Variants in POU2F2 observed in about 807,000 individuals in gnomAD.
The protein encoded by POU2F2 is POU domain, class 2, transcription factor 2.
In POU2F2, 14 loss-of-function variants were observed where a neutral mutation model predicts 63.5. The observed-to-expected ratio is 0.22, with a 90% CI of 0.15 to 0.34. The LOEUF is 0.34. Among genes scored for constraint, POU2F2 ranks in the 10% least tolerant of loss-of-function variants. The pLI, the probability that POU2F2 is intolerant of heterozygous loss-of-function variation, is 1.00. For synonymous variants in POU2F2, 306 were observed against 348.6 expected, an observed-to-expected ratio of 0.88 and a Z score of 1.36; for missense variants, 607 against 815.2, an observed-to-expected ratio of 0.74 and a Z score of 3.11.
At chr19:42,102,591 C>CA (rs879480456) in intron 5 of POU2F2, among the ~76,000 whole-genome samples, 205 of 103,618 alleles carry the variant, frequency 2.0e-3, no homozygotes, top group East Asian at 7.3e-3. Flanking sequence ...ACCCCCATCT[C>CA]AAAAAAAAAA....
chr19:42,118,880 G>A (rs2032244771), intron 4 of POU2F2, among the ~76,000 whole-genome samples: 2 of 152,202 alleles, frequency 1.3e-5, no homozygotes, highest in Admixed American at 1.3e-4. Context: ...ACAGTGTGTT[G>A]GCAGGGGGGT....
chr19:42,183,100 C>T (rs1428260676), intron 1 of POU2F2, among the ~76,000 whole-genome samples: 1 of 152,130 alleles, frequency 6.6e-6, no homozygotes, highest in Non-Finnish European at 1.5e-5. Flanking sequence ...AGAAGCTCTC[C>T]CAGGCTGACT....
At position 42,162,716 on chromosome 19, in the gene POU2F2, G is replaced by A. The variant is rs1296769687; in HGVS notation, c.-69-2324C>T. The stretch of plus-strand genomic sequence containing the variant: ...ACATGGCAGACTGTGAGCTCCTTGA[G>A]GGCAAGGCAGGGCCTGGCTCCTTTG... On this transcript the variant is annotated intron_variant, in intron 1 of 6. Transcript: ENST00000524801. This position sits in a 1 kb window ranked among gnomAD's most constrained non-coding sequence, Gnocchi z 4.1. Among the ~76,000 whole-genome samples the A allele has an allele frequency of 6.6e-6, 1 of 152,182 alleles. No homozygotes were observed. Among genetic ancestry groups the A allele is most frequent in the African/African-American group, 2.4e-5 (1 of 41,446 alleles).
chr19:42,193,309 C>A (rs921859956), intron 1 of POU2F2, among the ~76,000 whole-genome samples: 23 of 151,606 alleles, frequency 1.5e-4, no homozygotes, highest in Admixed American at 5.2e-4. Flanking sequence ...CCTTAAATGG[C>A]AAAAAGGACT....
At chr19:42,100,024 G>T (rs2077070483) in intron 5 of POU2F2, among the ~76,000 whole-genome samples, 1 of 150,868 alleles carries the variant, frequency 6.6e-6, no homozygotes, top group African/African-American at 2.4e-5. Flanking sequence ...CTACCATGGG[G>T]TACCAGAGAG....
upstream of POU2F2, chr19:42,177,083 G>C (rs1568425456): frequency 6.7e-6 from 1 of 149,756 alleles, no homozygotes; most frequent in Non-Finnish European, 1.5e-5. Context: ...CGGGCGCGCA[G>C]GCGAGCTGGG....
In POU2F2 at chr19:42,181,194, C is replaced by T. The variant is rs113032668; in HGVS notation, c.-70+15189G>A. On this transcript the variant is annotated intron_variant, in intron 1 of 5. Transcript: ENST00000532176. Reference sequence around the variant, plus strand: ...AACTGATTTCTAGGGCTCCGCCCAGCCCCGAGTCATGATTCCACGAAGGCT... The same window carrying T: ...AACTGATTTCTAGGGCTCCGCCCAGTCCCGAGTCATGATTCCACGAAGGCT... Among the ~76,000 whole-genome samples, 384 of 152,362 alleles carry T rather than the reference C, an allele frequency of 2.5e-3. 6 individuals carry two copies. Among genetic ancestry groups the T allele is most frequent in the African/African-American group, 8.7e-3 (362 of 41,568 alleles).
In POU2F2 at chr19:42,152,224, G is replaced by C. The variant is rs1373139083; in HGVS notation, c.-9+8108C>G. 6.6e-6 allele frequency among the ~76,000 whole-genome samples: 1 copy of C among 152,142 alleles called. No individual in the cohort carries two copies. The highest frequency in any genetic ancestry group is 1.5e-5 in the Non-Finnish European group (1 of 68,006). On this transcript the variant is annotated intron_variant, in intron 2 of 6. Coordinates refer to the POU2F2 transcript ENST00000524801. The surrounding 1 kb of genome is among the most constrained non-coding windows in gnomAD (Gnocchi z 4.1). Reference sequence around the variant, plus strand: ...GCCTCCAAAGAGACAGAAGGAAACAGGCAGATCTTCTGTGCTTAAATTCTC... The same window carrying C: ...GCCTCCAAAGAGACAGAAGGAAACACGCAGATCTTCTGTGCTTAAATTCTC...
At chr19:42,190,269 A>G (rs1250575530) in intron 1 of POU2F2, among the ~76,000 whole-genome samples, 1 of 150,032 alleles carries the variant, frequency 6.7e-6, no homozygotes, top group African/African-American at 2.5e-5. Flanking sequence ...ATTTGTTTAA[A>G]AAAATCTTTA....
rs1241282719 is a variant in POU2F2, at chr19:42,153,839, AG to A, written c.-9+6492del. Among the ~76,000 whole-genome samples, 2 of 152,080 alleles carry A rather than the reference AG, an allele frequency of 1.3e-5. No individual in the cohort carries two copies. The highest frequency in any genetic ancestry group is 4.8e-5 in the African/African-American group (2 of 41,392). ...GAGTGGGGGAGGGTGGCGAGGCAGC[AG>A]GGGCTGCCACGGAGACACTGGCTAG... On this transcript the variant is annotated intron_variant, in intron 2 of 6. Coordinates refer to the POU2F2 transcript ENST00000524801. The surrounding 1 kb of genome is among the most constrained non-coding windows in gnomAD (Gnocchi z 5.6).
intron 1 of POU2F2, among the ~76,000 whole-genome samples, chr19:42,191,929 C>A (rs1599735443): frequency 6.6e-6 from 1 of 152,180 alleles, no homozygotes; most frequent in South Asian, 2.1e-4. Context: ...GAGTGTATAT[C>A]CTCATCTGTA....
chr19:42,165,598 G>A (rs759651434), intron 1 of POU2F2, among the ~76,000 whole-genome samples: 7 of 152,192 alleles, frequency 4.6e-5, no homozygotes, highest in African/African-American at 7.2e-5. Flanking sequence ...AGAGCACAGT[G>A]GGTAAACATG....
intron 2 of POU2F2, among the ~76,000 whole-genome samples, chr19:42,140,448 C>T (rs760401686): frequency 6.6e-6 from 1 of 152,196 alleles, no homozygotes; most frequent in Admixed American, 6.5e-5. Context: ...CCCTACAGGA[C>T]CTCCCCGCTG....
intron 1 of POU2F2, among the ~76,000 whole-genome samples, chr19:42,195,874 G>T (rs1318127756): frequency 6.7e-6 from 1 of 150,338 alleles, no homozygotes; most frequent in Non-Finnish European, 1.5e-5. Context: ...CCACCTCCCA[G>T]GTTCAAGAGA....
chr19:42,106,005 TTCTTTC>T (rs2029868033), intron 5 of POU2F2, among the ~76,000 whole-genome samples: 1 of 123,448 alleles, frequency 8.1e-6, no homozygotes, highest in South Asian at 2.7e-4. Flanking sequence ...TCTTTTTTCT[TTCTTTC>T]TTTCTTTCTT....
chr19:42,091,408 G>T lies in POU2F2; in HGVS notation c.1724C>A (p.Ala575Glu). The T allele has an allele frequency of 6.5e-7, 1 of 1,547,348 alleles. No homozygotes were observed. Among genetic ancestry groups the T allele is most frequent in the Middle Eastern group, 1.7e-4 (1 of 5,770 alleles). ...PGVGLVSAAA[A>E]AVAASISSKS... The stretch of plus-strand genomic sequence containing the variant: ...GCTGGAGATGGAGGCTGCCACAGCC[G>T]CAGCCGCTGCTGAGACCAGGCCCAC... Residue 575 changes from alanine to glutamate, a missense_variant, in exon 15 of 15, where the codon GCG (alanine) becomes GAG (glutamate). Around this residue, in one of 7 missense-constraint regions of POU2F2, gnomAD observed 270 missense variants for 307.5 expected, o/e 0.88. Transcript: ENST00000692977.
intron 2 of POU2F2, among the ~76,000 whole-genome samples, chr19:42,141,237 T>C (rs1381576910): frequency 6.6e-6 from 1 of 152,174 alleles, no homozygotes; most frequent in African/African-American, 2.4e-5. Flanking sequence ...TGGGCCTGCA[T>C]TTAGCTGAGG....
intron 1 of POU2F2, among the ~76,000 whole-genome samples, chr19:42,184,628 C>G (rs753762893): frequency 6.6e-6 from 1 of 152,182 alleles, no homozygotes; most frequent in Non-Finnish European, 1.5e-5. Flanking sequence ...CCAAGACACA[C>G]CCTTGTCCCT....
intron 2 of POU2F2, among the ~76,000 whole-genome samples, chr19:42,142,928 A>G (rs1215345337): frequency 6.6e-6 from 1 of 152,182 alleles, no homozygotes; most frequent in Non-Finnish European, 1.5e-5. Context: ...AATCAAATAA[A>G]TGATTATCCC....
Sources: allele counts gnomAD v4.1 joint callset (sites outside exome capture counted in the v4.1 genomes callset), GRCh38; gene constraint gnomAD v4.1.1; regional missense constraint gnomAD v4.1.1; non-coding constraint Gnocchi (gnomAD v3.1); transcripts MANE v1.5; gene names NCBI Gene and HGNC (gene_info 2026-07-23, HGNC 2026-07-21).